The following SBF2 variants were observed in gnomAD, a reference collection of about 807,000 sequenced individuals.
SBF2 encodes the protein SET binding factor 2.
A neutral mutation model predicts 225.2 loss-of-function variants in SBF2; 112 were observed. That is an observed-to-expected ratio of 0.50 (90% CI 0.43 to 0.58). The LOEUF (loss-of-function observed/expected upper bound fraction) is 0.58, where lower values mean the gene tolerates loss of function less well. SBF2 is among the 20% of genes least tolerant of loss of function. The pLI is 0.00. For synonymous variants in SBF2, 763 were observed against 773.3 expected, an observed-to-expected ratio of 0.99 and a Z score of 0.22; for missense variants, 1,996 against 2,206.2, an observed-to-expected ratio of 0.90 and a Z score of 1.91.
In SBF2 at chr11:9,795,712, G is replaced by C; in HGVS notation, c.4570+119C>G. 3 of 1,262,366 alleles carry C rather than the reference G, an allele frequency of 2.4e-6. No individual in the cohort carries two copies. The East Asian group carries it at 7.2e-5, about 30-fold the overall frequency. 78.2% of individuals were successfully genotyped at this position (1,262,366 alleles called of 1,614,324 possible). A position where few individuals can be genotyped will look rare whatever the true frequency, so the allele number is the denominator to read the frequency against. On this transcript the variant is annotated intron_variant, in intron 33 of 39. Coordinates refer to ENST00000256190, the MANE Select transcript of SBF2 (RefSeq NM_030962.4). ...ACTTATCCACTCCTCTACATTCATA[G>C]TTCAGAGTTAAACCTTAACTCAGCT...
intron 16 of SBF2, among the ~76,000 whole-genome samples, chr11:9,946,103 A>T (rs1019287324): frequency 1.5e-4 from 23 of 152,222 alleles, no homozygotes; most frequent in Admixed American, 4.6e-4. Context: ...AAGGAATATA[A>T]ATCGTTCTAC....
At chr11:9,905,827 G>A (rs1228982742) in intron 16 of SBF2, among the ~76,000 whole-genome samples, 1 of 152,330 alleles carries the variant, frequency 6.6e-6, no homozygotes, top group Admixed American at 6.5e-5. Flanking sequence ...TGAGAAAGGA[G>A]AGGGAGAAAA....
At position 9,845,570 on chromosome 11, in the gene SBF2, A is replaced by G; in HGVS notation, c.3105T>C (p.Ser1035=). The G allele has an allele frequency of 6.2e-7, 1 of 1,613,568 alleles. No homozygotes were observed. The highest frequency in any genetic ancestry group is 8.5e-7 in the Non-Finnish European group (1 of 1,179,502). Residue 1035 remains serine, a synonymous_variant, in exon 24 of 40, where the codon TCT becomes TCC. Transcript: ENST00000256190. The stretch of plus-strand genomic sequence containing the variant: ...AGACTTGTCTTTCTTCTTACCGAAA[A>G]GAAGTGTTCTTTTCCTTCTGTTTTG... ...ILPKQKEKNT[S]FRTFSKTIVK... is the part of the protein sequence containing the mutation.
chr11:10,006,499 C>A (rs1415688734), intron 6 of SBF2, among the ~76,000 whole-genome samples: 1 of 152,184 alleles, frequency 6.6e-6, no homozygotes. Context: ...CATTCTAGCC[C>A]TTTAAGGACC....
chr11:10,186,712 C>T (rs1258445327), intron 2 of SBF2, among the ~76,000 whole-genome samples: 1 of 152,106 alleles, frequency 6.6e-6, no homozygotes, highest in African/African-American at 2.4e-5. Flanking sequence ...AAGTTCCAAC[C>T]CACTAAATGC....
chr11:10,104,460 A>G (rs1190716110), intron 2 of SBF2, among the ~76,000 whole-genome samples: 4 of 152,218 alleles, frequency 2.6e-5, no homozygotes, highest in Non-Finnish European at 5.9e-5. Context: ...CAGAGCACAG[A>G]TCCCCAATAT....
intron 2 of SBF2, among the ~76,000 whole-genome samples, chr11:10,171,302 A>G (rs1000047444): frequency 6.6e-6 from 1 of 152,118 alleles, no homozygotes; most frequent in Non-Finnish European, 1.5e-5. Flanking sequence ...TTATTGTGTT[A>G]AGGTATGTTC....
At chr11:9,915,167 G>A (rs1042103073) in intron 16 of SBF2, among the ~76,000 whole-genome samples, 31 of 152,168 alleles carry the variant, frequency 2.0e-4, no homozygotes, top group Non-Finnish European at 4.3e-4. Context: ...TGAAAAAGAA[G>A]GCCGGGTGCA....
chr11:9,954,093 T>C (rs959673651), intron 16 of SBF2, among the ~76,000 whole-genome samples: 1 of 152,204 alleles, frequency 6.6e-6, no homozygotes, highest in African/African-American at 2.4e-5. Context: ...TAGGTAGGAA[T>C]AGTCTATAAC....
chr11:10,194,083 A>G, intron 1 of SBF2, 96 bp from the exon 2 acceptor site: 1 of 868,998 alleles, frequency 1.2e-6, no homozygotes, highest in Non-Finnish European at 1.9e-6. Flanking sequence ...TATTTGGTAA[A>G]TAAGTTAATA....
chr11:9,879,859 G>A lies in SBF2; in HGVS notation c.1929+16084C>T, dbSNP rs139866438. Among the ~76,000 whole-genome samples, 823 of 152,006 alleles carry A rather than the reference G, an allele frequency of 5.4e-3. 7 individuals are homozygous for A. Among genetic ancestry groups the A allele is most frequent in the African/African-American group, 0.019 (780 of 41,454 alleles). On this transcript the variant is annotated intron_variant, in intron 17 of 39. Transcript: ENST00000256190. ...AGCACTTTGGGAGGCCAAGATGGGC[G>A]GATCACTTGAGGTCAGGAGTTCAAG...
At position 9,990,705 on chromosome 11, in the gene SBF2, T is replaced by TG. The variant is rs375579827; in HGVS notation, c.1297-1111dup. Among the ~76,000 whole-genome samples, 530 of 152,340 alleles carry TG rather than the reference T, an allele frequency of 3.5e-3. 2 individuals are homozygous for TG. Among genetic ancestry groups the TG allele is most frequent in the African/African-American group, 0.012 (502 of 41,572 alleles). ...CAGTAGGAACCTTGGACAGAGTCCT[T>TG]GCCTTATCATTGTTTCCAATCTAGA... On this transcript the variant is annotated intron_variant, in intron 12 of 39. Transcript: ENST00000256190.
intron 32 of SBF2, among the ~76,000 whole-genome samples, chr11:9,805,749 A>C (rs1853787563): frequency 6.6e-6 from 1 of 152,082 alleles, no homozygotes; most frequent in African/African-American, 2.4e-5. Context: ...CAGCCTCCCA[A>C]GTAGCTGGGA....
intron 27 of SBF2, among the ~76,000 whole-genome samples, chr11:9,830,328 G>A (rs1204141695): frequency 1.3e-5 from 2 of 152,186 alleles, no homozygotes; most frequent in African/African-American, 2.4e-5. Context: ...ATTCTAAGAC[G>A]CACTGTTATT....
chr11:10,276,945 A>C (rs1271429988), intron 1 of SBF2, among the ~76,000 whole-genome samples: 2 of 152,142 alleles, frequency 1.3e-5, no homozygotes, highest in African/African-American at 4.8e-5. Flanking sequence ...AAACTGTGTA[A>C]AACAGGCTCG....
intron 37 of SBF2, 61 bp from the exon 38 acceptor site, chr11:9,784,499 G>A (rs1478107243): frequency 7.8e-7 from 1 of 1,275,020 alleles, no homozygotes; most frequent in South Asian, 1.2e-5. Context: ...GCTGTAAAGG[G>A]GAGGGGATAT....
intron 2 of SBF2, among the ~76,000 whole-genome samples, chr11:10,131,736 C>T (rs563731722): frequency 2.0e-5 from 3 of 152,250 alleles, no homozygotes; most frequent in South Asian, 2.1e-4. Flanking sequence ...CCACCACGCC[C>T]GGCCAAGAGA....
At chr11:9,950,354 G>A (rs1322304683) in intron 16 of SBF2, among the ~76,000 whole-genome samples, 1 of 152,094 alleles carries the variant, frequency 6.6e-6, no homozygotes, top group Non-Finnish European at 1.5e-5. Flanking sequence ...TCAAATGTTA[G>A]CTCTGATCTC....
chr11:10,043,692 A>G (rs1326209126), intron 2 of SBF2, among the ~76,000 whole-genome samples: 1 of 152,082 alleles, frequency 6.6e-6, no homozygotes, highest in East Asian at 1.9e-4. Flanking sequence ...CTCCCATCTC[A>G]GCCTCCTGAG....
Sources: gnomAD v4.1 joint callset for allele counts (sites outside exome capture counted in the v4.1 genomes callset) on GRCh38, gnomAD v4.1.1 for gene constraint, MANE v1.5 for transcripts, NCBI Gene and HGNC (gene_info 2026-07-23, HGNC 2026-07-21) for gene names.